TMEM255B: variants seen among roughly 807,000 people sequenced by gnomAD.
The protein encoded by TMEM255B is transmembrane protein 255B, also known as family with sequence similarity 70, member B.
In TMEM255B, 35 loss-of-function variants were observed where a neutral mutation model predicts 34.5. That is an observed-to-expected ratio of 1.01 (90% CI 0.77 to 1.34). The LOEUF is 1.34. TMEM255B is among the 40% of genes most tolerant of loss of function. TMEM255B has a pLI of 0.00. For missense variants in TMEM255B, 432 were observed against 433.2 expected (o/e 1.00, Z 0.02); for synonymous variants, 206 against 201.2 (o/e 1.02, Z -0.20).
chr13:113,773,558 G>A (rs568078311), intron 3 of TMEM255B, among the ~76,000 whole-genome samples: 111 of 152,350 alleles, frequency 7.3e-4, no homozygotes, highest in African/African-American at 2.5e-3. Flanking sequence ...GAAGGCACCC[G>A]GATGCCCCAG....
At chr13:113,786,022 G>T (rs189305888) in intron 3 of TMEM255B, among the ~76,000 whole-genome samples, 1 of 152,188 alleles carries the variant, frequency 6.6e-6, no homozygotes, top group Non-Finnish European at 1.5e-5. Context: ...CACACAACGT[G>T]GGGTAAATGC....
At chr13:113,759,866 CCAATTCTT>C (rs1332828433) in intron 1 of TMEM255B, among the ~76,000 whole-genome samples, 1 of 152,190 alleles carries the variant, frequency 6.6e-6, no homozygotes, top group African/African-American at 2.4e-5. Context: ...CACGGAATCT[CCAATTCTT>C]CCACTTCCCA....
intron 1 of TMEM255B, among the ~76,000 whole-genome samples, chr13:113,763,415 G>A (rs1210547813): frequency 1.3e-5 from 2 of 152,120 alleles, no homozygotes; most frequent in Non-Finnish European, 2.9e-5. Flanking sequence ...TGCTCCCAGC[G>A]TGGGTTTGCC....
chr13:113,763,403 C>T (rs1213116424), intron 1 of TMEM255B, among the ~76,000 whole-genome samples: 1 of 152,204 alleles, frequency 6.6e-6, no homozygotes, highest in East Asian at 1.9e-4. Flanking sequence ...CTCTTGCCCA[C>T]TTGCTCCCAG....
intron 4 of TMEM255B, among the ~76,000 whole-genome samples, chr13:113,795,859 CCAT>C (rs2050918354): frequency 7.9e-6 from 1 of 126,350 alleles, no homozygotes; most frequent in Admixed American, 8.6e-5. Flanking sequence ...AGCACACACA[CCAT>C]AAGAGTACAC....
chr13:113,807,230 T>G (rs1346249061), intron 8 of TMEM255B, among the ~76,000 whole-genome samples: 1 of 152,060 alleles, frequency 6.6e-6, no homozygotes, highest in Non-Finnish European at 1.5e-5. Flanking sequence ...CCTCCCTGCC[T>G]GTGAGCCCCA....
chr13:113,811,679 T>C, intron 8 of TMEM255B, 57 bp from the exon 9 acceptor site: 1 of 1,601,036 alleles, frequency 6.2e-7, no homozygotes, highest in Non-Finnish European at 8.5e-7. Context: ...GGCTTCCCTG[T>C]GGTCCGGCAC....
intron 3 of TMEM255B, among the ~76,000 whole-genome samples, chr13:113,778,224 G>C (rs2050610796): frequency 6.6e-6 from 1 of 152,344 alleles, no homozygotes; most frequent in South Asian, 2.1e-4. Context: ...TTGGACAGGG[G>C]TGGAGATGTG....
intron 8 of TMEM255B, among the ~76,000 whole-genome samples, chr13:113,810,512 A>G (rs1415503072): frequency 6.6e-6 from 1 of 152,180 alleles, no homozygotes; most frequent in Non-Finnish European, 1.5e-5. Flanking sequence ...GGGAGAATAC[A>G]GGTACCTACA....
At chr13:113,800,112 G>T in intron 5 of TMEM255B, 1 of 1,159,830 alleles carries the variant, frequency 8.6e-7, no homozygotes, top group African/African-American at 1.7e-5. Context: ...GGGTAGGCAG[G>T]AGGCGTCCCG....
At chr13:113,807,391 C>G (rs1244882615) in intron 8 of TMEM255B, among the ~76,000 whole-genome samples, 1 of 127,268 alleles carries the variant, frequency 7.9e-6, no homozygotes, top group Non-Finnish European at 1.6e-5. Flanking sequence ...GGGTGGTCCT[C>G]CCTGTCACAC....
intron 8 of TMEM255B, among the ~76,000 whole-genome samples, chr13:113,805,246 A>G (rs2051149591): frequency 6.6e-6 from 1 of 152,182 alleles, no homozygotes; most frequent in Non-Finnish European, 1.5e-5. Context: ...ACCCGCCACC[A>G]TGCTCTGCCG....
rs115261988 is a variant in TMEM255B at position 113,763,699 on chromosome 13, T to C, written c.47-2416T>C. On this transcript the variant is annotated intron_variant, in intron 1 of 8. Transcript: ENST00000375353. ...TTCCCTTTTGCATTTTTCAGTACTT[T>C]ATGAGTGTTCTACAAAAAATCACTC... Among the ~76,000 whole-genome samples, 1,339 of 152,368 alleles carry C rather than the reference T, an allele frequency of 8.8e-3. 18 individuals carry two copies. Among genetic ancestry groups the C allele is most frequent in the African/African-American group, 0.031 (1,298 of 41,594 alleles).
chr13:113,760,285 A>T (rs2050280515), intron 1 of TMEM255B, among the ~76,000 whole-genome samples: 1 of 152,242 alleles, frequency 6.6e-6, no homozygotes, highest in African/African-American at 2.4e-5. Context: ...ATGCCTTCCA[A>T]TCTAAAGCAA....
At position 113,812,943 on chromosome 13, in the gene TMEM255B, G is replaced by GGTCCTGAGTGGGTCACA. The variant is rs1566342025; in HGVS notation, c.*1041_*1042insTCCTGAGTGGGTCACAG. 5.2e-5 allele frequency: 6 copies of GGTCCTGAGTGGGTCACA among 114,836 alleles called. 1 individual carries two copies. Among genetic ancestry groups the GGTCCTGAGTGGGTCACA allele is most frequent in the African/African-American group, 2.5e-4 (6 of 24,306 alleles). The allele number at this position is 114,836 out of a possible 1,614,324, so 7.1% of individuals were successfully genotyped here. On this transcript the variant is annotated 3_prime_UTR_variant, in exon 9 of 9. Coordinates refer to ENST00000375353, the MANE Select transcript of TMEM255B (RefSeq NM_182614.4). ...GAGTCACGGGTCCCGGGTGGGTCACGGGTCCCGGGTGGGTCACGGGCCCCG... is the reference window on the plus strand; with the variant it reads ...GAGTCACGGGTCCCGGGTGGGTCACGGTCCTGAGTGGGTCACAGGTCCCGGGTGGGTCACGGGCCCCG...
chr13:113,795,048 T>C (rs1758513977), intron 3 of TMEM255B, 100 bp from the exon 4 acceptor site: 3 of 1,086,078 alleles, frequency 2.8e-6, no homozygotes, highest in Admixed American at 4.0e-5. Flanking sequence ...GGCAGTTCTG[T>C]GAAAGAAGCC....
At position 113,811,987 on chromosome 13, in the gene TMEM255B, C is replaced by T. The variant is rs988700900; in HGVS notation, c.*84C>T. The T allele has an allele frequency of 8.9e-6, 13 of 1,458,890 alleles. No individual in the cohort carries two copies. The highest frequency in any genetic ancestry group is 1.2e-5 in the Non-Finnish European group (13 of 1,081,898). 90.4% of individuals were successfully genotyped at this position (1,458,890 alleles called of 1,614,324 possible). A position where few individuals can be genotyped will look rare whatever the true frequency, so the allele number is the denominator to read the frequency against. On this transcript the variant is annotated 3_prime_UTR_variant, in exon 9 of 9. Coordinates refer to ENST00000375353, the MANE Select transcript of TMEM255B (RefSeq NM_182614.4). ...CTAGAAATCCCGCTTCTGTGGCCAA[C>T]CTCCTAGAGAACCCGGGAGAATGTT...
chr13:113,814,429 G>C lies in TMEM255B; in HGVS notation c.*2526G>C, dbSNP rs2051381823. ...TTAATCTTGTCTAGAGTCAAAAGCT[G>C]TTCAAAAATATTCAACTCCAAGGTC... On this transcript the variant is annotated 3_prime_UTR_variant, in exon 9 of 9. Coordinates refer to ENST00000375353, the MANE Select transcript of TMEM255B (RefSeq NM_182614.4). 6.6e-6 allele frequency: 1 copy of C among 152,254 alleles called. No individual in the cohort carries two copies. Among genetic ancestry groups the C allele is most frequent in the Non-Finnish European group, 1.5e-5 (1 of 68,052 alleles). 9.4% of individuals were successfully genotyped at this position (152,254 alleles called of 1,614,324 possible). A position where few individuals can be genotyped will look rare whatever the true frequency, so the allele number is the denominator to read the frequency against.
chr13:113,776,412 G>A (rs890063497), intron 3 of TMEM255B, among the ~76,000 whole-genome samples: 1 of 152,258 alleles, frequency 6.6e-6, no homozygotes, highest in African/African-American at 2.4e-5. Context: ...TTTCTTAAAC[G>A]CACCTCTCTT....
Sources: gnomAD v4.1 joint callset for allele counts (sites outside exome capture counted in the v4.1 genomes callset) on GRCh38, gnomAD v4.1.1 for gene constraint, MANE v1.5 for transcripts, NCBI Gene and HGNC (gene_info 2026-07-23, HGNC 2026-07-21) for gene names.